Variants in SCN11A observed in about 807,000 individuals in gnomAD.
SCN11A encodes the protein sodium channel protein type 11 subunit alpha.
A neutral mutation model predicts 162.2 loss-of-function variants in SCN11A; 122 were observed. That is an observed-to-expected ratio of 0.75 (90% CI 0.65 to 0.87). The LOEUF is 0.87. SCN11A is among the 40% of genes least tolerant of loss of function. SCN11A has a pLI of 0.00. For missense variants in SCN11A, 2,015 were observed against 2,181.6 expected, an observed-to-expected ratio of 0.92 and a Z score of 1.52; for synonymous variants, 758 against 751.5, an observed-to-expected ratio of 1.01 and a Z score of -0.14.
chr3:38,868,058 T>C (rs192274935), intron 26 of SCN11A, among the ~76,000 whole-genome samples: 104 of 152,316 alleles, frequency 6.8e-4, no homozygotes, highest in African/African-American at 2.4e-3. Flanking sequence ...ACAAATGGAC[T>C]CCAACCAAGC....
chr3:38,921,346 C>A, intron 9 of SCN11A, 91 bp from the exon 10 acceptor site: 1 of 1,248,106 alleles, frequency 8.0e-7, no homozygotes. Context: ...GTCTCGGAAA[C>A]TGTCAAATTG....
At chr3:38,981,525 G>A (rs1348393576) in intron 2 of SCN11A, among the ~76,000 whole-genome samples, 1 of 135,532 alleles carries the variant, frequency 7.4e-6, no homozygotes, top group Non-Finnish European at 1.5e-5. Context: ...TTTCTGTGTT[G>A]TGTGTGTGTG....
chr3:38,945,636 T>A, intron 6 of SCN11A, 124 bp from the exon 7 acceptor site: 2 of 572,782 alleles, frequency 3.5e-6, no homozygotes, highest in South Asian at 5.6e-5. Flanking sequence ...TGACTGTGAA[T>A]GTTGGATGAG....
chr3:38,868,433 A>C (rs1287064569), intron 26 of SCN11A, among the ~76,000 whole-genome samples: 4 of 152,240 alleles, frequency 2.6e-5, no homozygotes. Context: ...TTAGCATTAG[A>C]CATTTAAAAT....
intron 1 of SCN11A, among the ~76,000 whole-genome samples, chr3:39,037,907 G>T (rs754079162): frequency 6.6e-6 from 1 of 152,166 alleles, no homozygotes; most frequent in Non-Finnish European, 1.5e-5. Context: ...AGGTGTCAAG[G>T]CTTCTTACAT....
chr3:39,003,894 G>A (rs2030889443), intron 2 of SCN11A, among the ~76,000 whole-genome samples: 1 of 151,428 alleles, frequency 6.6e-6, no homozygotes, highest in African/African-American at 2.4e-5. Flanking sequence ...TTGTAAATTT[G>A]TTTAAGTTCC....
intron 2 of SCN11A, among the ~76,000 whole-genome samples, chr3:38,999,481 C>A (rs1277949265): frequency 6.6e-6 from 1 of 152,154 alleles, no homozygotes; most frequent in Non-Finnish European, 1.5e-5. Flanking sequence ...TTCTAATTAT[C>A]CCCTTTTGAA....
intron 3 of SCN11A, among the ~76,000 whole-genome samples, chr3:38,955,159 G>A (rs1055448577): frequency 6.6e-6 from 1 of 152,128 alleles, no homozygotes; most frequent in African/African-American, 2.4e-5. Context: ...GTGGTGGCGT[G>A]TGCCTGTAAT....
chr3:38,855,494 T>A (rs1418249659), intron 28 of SCN11A, among the ~76,000 whole-genome samples: 2 of 152,028 alleles, frequency 1.3e-5, no homozygotes, highest in Non-Finnish European at 2.9e-5. Context: ...GCTCTGCCTG[T>A]CTCCTGAAAG....
intron 2 of SCN11A, among the ~76,000 whole-genome samples, chr3:39,015,282 G>C (rs1428617527): frequency 6.6e-6 from 1 of 152,170 alleles, no homozygotes; most frequent in Admixed American, 6.5e-5. Context: ...CCAGCCTCTT[G>C]ATCTTGGACT....
At chr3:39,038,580 G>C (rs1365640877) in intron 1 of SCN11A, among the ~76,000 whole-genome samples, 2 of 152,116 alleles carry the variant, frequency 1.3e-5, no homozygotes, top group Non-Finnish European at 2.9e-5. Context: ...TACAATCAAA[G>C]ATGCACTCAC....
intron 10 of SCN11A, among the ~76,000 whole-genome samples, chr3:38,920,791 G>A (rs2066037252): frequency 6.6e-6 from 1 of 152,056 alleles, no homozygotes; most frequent in Non-Finnish European, 1.5e-5. Flanking sequence ...AAAAACTTCT[G>A]CAAATCATTA....
At chr3:38,965,767 C>T (rs1486444570) in intron 2 of SCN11A, among the ~76,000 whole-genome samples, 2 of 151,808 alleles carry the variant, frequency 1.3e-5, no homozygotes, top group African/African-American at 2.4e-5. Context: ...GACACAGATT[C>T]GACTAGAAGT....
At position 38,905,297 on chromosome 3, in the gene SCN11A, G is replaced by C. The variant is rs367770852; in HGVS notation, c.1498C>G (p.Arg500Gly). ...KKPQLLEQTK[R>G]LSQNLSLDHF... ...TCCAGTGATAGATTCTGGGACAGTCGTTTGGTTTGCTCTAGGAGCTGTGGC... is the reference window on the plus strand; with the variant it reads ...TCCAGTGATAGATTCTGGGACAGTCCTTTGGTTTGCTCTAGGAGCTGTGGC... The change falls in exon 15 of 30, where the codon CGA (arginine) becomes GGA (glycine). Residue 500 changes from arginine to glycine, a missense_variant. By Grantham distance (125) the Arg-to-Gly change is moderately radical (BLOSUM62 -2). Transcript: ENST00000302328. The C allele has an allele frequency of 1.2e-6, 2 of 1,613,884 alleles. No homozygotes were observed. The highest frequency in any genetic ancestry group is 1.7e-6 in the Non-Finnish European group (2 of 1,179,932).
Position 39,031,609 on chromosome 3 carries a change from G to T in SCN11A, c.-280+771C>A, listed in dbSNP as rs138572677. Among the ~76,000 whole-genome samples the T allele has an allele frequency of 1.9e-3, 283 of 151,914 alleles. 2 individuals carry two copies. The Middle Eastern group carries it at 0.02, about 11-fold the overall frequency. On this transcript the variant is annotated intron_variant, in intron 2 of 29. Coordinates refer to ENST00000302328, the MANE Select transcript of SCN11A (RefSeq NM_001349253.2). ...AGATAAAATGGAGGTCTTTCTGCCA[G>T]GACAAAAATAGTACACAACTTTGAA...
chr3:38,921,826 A>G (rs971274015), intron 9 of SCN11A, among the ~76,000 whole-genome samples: 1 of 152,230 alleles, frequency 6.6e-6, no homozygotes, highest in Non-Finnish European at 1.5e-5. Context: ...AGAAGTATTT[A>G]TTAAGCACCT....
chr3:38,931,845 C>T (rs1480303439), intron 7 of SCN11A, among the ~76,000 whole-genome samples: 2 of 152,214 alleles, frequency 1.3e-5, no homozygotes, highest in Non-Finnish European at 2.9e-5. Context: ...TAAGTCATTG[C>T]TCCAGTCATT....
chr3:38,865,989 G>A (rs1279780424), intron 27 of SCN11A, among the ~76,000 whole-genome samples: 1 of 152,106 alleles, frequency 6.6e-6, no homozygotes, highest in Non-Finnish European at 1.5e-5. Flanking sequence ...ATTTCTGGAA[G>A]GTATTTTGAC....
chr3:38,847,650 G>A lies in SCN11A; in HGVS notation c.4420C>T (p.Leu1474=), dbSNP rs138566005. The change falls in exon 30 of 30, where the codon CTG becomes TTG. Residue 1474 remains leucine (L), a synonymous_variant. Coordinates refer to ENST00000302328, the MANE Select transcript of SCN11A (RefSeq NM_001349253.2). The stretch of plus-strand genomic sequence containing the variant: ...CCTCGTGCAGCCCGGACAAGCCTCA[G>A]GATTCGGCCAATCCGAGCCAAGCGG... ...IVRLARIGRI[L]RLVRAARGIR... The A allele has an allele frequency of 1.1e-4, 173 of 1,613,964 alleles. No individual in the cohort carries two copies. Among genetic ancestry groups the A allele is most frequent in the Middle Eastern group, 1.6e-4 (1 of 6,082 alleles).
Sources: allele counts gnomAD v4.1 joint callset (sites outside exome capture counted in the v4.1 genomes callset), GRCh38; gene constraint gnomAD v4.1.1; transcripts MANE v1.5; gene names NCBI Gene and HGNC (gene_info 2026-07-23, HGNC 2026-07-21).